OLFM4: variants seen among roughly 807,000 people sequenced by gnomAD.
OLFM4 encodes the protein olfactomedin 4.
Under a neutral mutation model 25.5 loss-of-function variants are expected in OLFM4, and 22 were observed. That is an observed-to-expected ratio of 0.86 (90% CI 0.62 to 1.23). OLFM4 has a LOEUF of 1.23. OLFM4 is among the 50% of genes most tolerant of loss of function. OLFM4 has a pLI of 0.00. For missense variants in OLFM4, 594 were observed against 619.4 expected, an observed-to-expected ratio of 0.96 and a Z score of 0.44; for synonymous variants, 255 against 237.7, an observed-to-expected ratio of 1.07 and a Z score of -0.67.
At chr13:53,033,438 G>A (rs1383885119) in intron 1 of OLFM4, among the ~76,000 whole-genome samples, 1 of 152,186 alleles carries the variant, frequency 6.6e-6, no homozygotes, top group African/African-American at 2.4e-5. Context: ...TATTTTCACT[G>A]TAGCCCACAT....
rs1954689797 is a variant in OLFM4 at position 53,042,028 on chromosome 13, T to C, written c.476T>C (p.Ile159Thr). 1.2e-6 allele frequency: 2 copies of C among 1,614,042 alleles called. No individual in the cohort carries two copies. Among genetic ancestry groups the C allele is most frequent in the Non-Finnish European group, 1.7e-6 (2 of 1,179,942 alleles). ...TACACTGAACTGGACTTCGAGCTGATCAAGGTAGAAGTGAAGGAGATGGAA... is the reference window on the plus strand; with the variant it reads ...TACACTGAACTGGACTTCGAGCTGACCAAGGTAGAAGTGAAGGAGATGGAA... ...ISYTELDFEL[I>T]KVEVKEMEKL... is the part of the protein sequence containing the mutation. Residue 159 changes from isoleucine (I) to threonine (T), a missense_variant, in exon 3 of 5, where the codon ATC (isoleucine) becomes ACC (threonine). By Grantham distance (89) the Ile-to-Thr change is moderately conservative. Transcript: ENST00000219022.
In OLFM4 at chr13:53,050,802, T is replaced by G. The variant is rs764455863; in HGVS notation, c.*31T>G. 2.6e-6 allele frequency: 4 copies of G among 1,527,582 alleles called. No individual in the cohort carries two copies. The highest frequency in any genetic ancestry group is 3.5e-6 in the Non-Finnish European group (4 of 1,141,822). 94.6% of individuals were successfully genotyped at this position (1,527,582 alleles called of 1,614,324 possible). On this transcript the variant is annotated 3_prime_UTR_variant, in exon 5 of 5. Coordinates refer to ENST00000219022, the MANE Select transcript of OLFM4 (RefSeq NM_006418.5). ...TTAGGAGTTAGGGTGAAAGAGAAAA[T>G]GTTTGTTGAAAAAATAGTCTTCTCC...
chr13:53,050,916 G>A lies in OLFM4; in HGVS notation c.*145G>A. Reference sequence around the variant, plus strand: ...ATAGTTCTACCACACTAGAGATCTAGGACATTTGTCTTGATTTGGTGAGTT... The same window carrying A: ...ATAGTTCTACCACACTAGAGATCTAAGACATTTGTCTTGATTTGGTGAGTT... On this transcript the variant is annotated 3_prime_UTR_variant, in exon 5 of 5. Coordinates refer to ENST00000219022, the MANE Select transcript of OLFM4 (RefSeq NM_006418.5). 3 of 674,740 alleles carry A rather than the reference G, an allele frequency of 4.4e-6. No individual in the cohort carries two copies. The highest frequency in any genetic ancestry group is 2.2e-5 in the South Asian group (1 of 45,012). 41.8% of individuals were successfully genotyped at this position (674,740 alleles called of 1,614,324 possible).
chr13:53,033,870 C>G (rs1954641948), intron 1 of OLFM4, among the ~76,000 whole-genome samples: 1 of 146,892 alleles, frequency 6.8e-6, no homozygotes, highest in Non-Finnish European at 1.5e-5. Flanking sequence ...ACCACCCTGG[C>G]TAACACGGTG....
chr13:53,040,931 T>A (rs1954683698), intron 2 of OLFM4, among the ~76,000 whole-genome samples: 1 of 152,120 alleles, frequency 6.6e-6, no homozygotes, highest in African/African-American at 2.4e-5. Flanking sequence ...TAAGATACCA[T>A]CTCATACCAG....
chr13:53,032,003 G>A (rs1954631653), intron 1 of OLFM4, among the ~76,000 whole-genome samples: 1 of 152,196 alleles, frequency 6.6e-6, no homozygotes, highest in Admixed American at 6.5e-5. Flanking sequence ...ATCTCTAATG[G>A]GAGACACTGA....
intron 4 of OLFM4, among the ~76,000 whole-genome samples, chr13:53,044,864 T>A (rs1304168099): frequency 6.6e-6 from 1 of 152,088 alleles, no homozygotes; most frequent in Non-Finnish European, 1.5e-5. Context: ...CTCCTGATAA[T>A]CCCTGAACGA....
In OLFM4 at chr13:53,050,700, CA is replaced by C; in HGVS notation, c.1463del (p.Gln488ArgfsTer12). 1.2e-6 allele frequency: 2 copies of C among 1,613,436 alleles called. No individual in the cohort carries two copies. The highest frequency in any genetic ancestry group is 1.7e-6 in the Non-Finnish European group (2 of 1,179,762). ...GAGCATTAACTATAACCCTTTTGAC[CA>C]GAAACTTTATGTCTATAACGATGGT... ...VQSINYNPFD[Q>X]KLYVYNDGYL... On this transcript the variant is annotated frameshift_variant, in exon 5 of 5. Coordinates refer to ENST00000219022, the MANE Select transcript of OLFM4 (RefSeq NM_006418.5). LOFTEE classifies it high-confidence loss of function.
At position 53,034,480 on chromosome 13, in the gene OLFM4, T is replaced by A; in HGVS notation, c.337T>A (p.Phe113Ile). The change falls in exon 2 of 5, where the codon TTT becomes ATT. Residue 113 changes from phenylalanine (F) to isoleucine (I), a missense_variant. Physicochemically the swap from Phe to Ile is conservative, Grantham distance 21. Coordinates refer to ENST00000219022, the MANE Select transcript of OLFM4 (RefSeq NM_006418.5). Reference protein sequence around the residue: ...EFTAHVLSQKFEKELSKVREY... With the variant: ...EFTAHVLSQKIEKELSKVREY... ...CACAGCTCATGTTCTTTCTCAGAAGTTTGAGAAAGAACTTTCCAAAGTAAG... is the reference window on the plus strand; with the variant it reads ...CACAGCTCATGTTCTTTCTCAGAAGATTGAGAAAGAACTTTCCAAAGTAAG... 1 of 1,612,088 alleles carries A rather than the reference T, an allele frequency of 6.2e-7. No homozygotes were observed. The highest frequency in any genetic ancestry group is 1.7e-5 in the Admixed American group (1 of 59,584).
At chr13:53,049,600 A>G (rs759476668) in intron 4 of OLFM4, among the ~76,000 whole-genome samples, 13 of 152,240 alleles carry the variant, frequency 8.5e-5, no homozygotes, top group Non-Finnish European at 1.5e-4. Context: ...ACAAAATAAG[A>G]TAATATTTGC....
At chr13:53,043,701 T>C (rs2138239013) in intron 4 of OLFM4, among the ~76,000 whole-genome samples, 1 of 148,866 alleles carries the variant, frequency 6.7e-6, no homozygotes, top group Admixed American at 6.6e-5. Context: ...GCTGCCATCT[T>C]CTCTCTCTCC....
At chr13:53,049,817 A>T in intron 4 of OLFM4, 152 bp from the exon 5 acceptor site, 1 of 703,456 alleles carries the variant, frequency 1.4e-6, no homozygotes. Context: ...AACTAAGAGG[A>T]GGTTTGGCTC....
intron 4 of OLFM4, among the ~76,000 whole-genome samples, chr13:53,048,393 T>C (rs539635771): frequency 6.6e-6 from 1 of 152,164 alleles, no homozygotes; most frequent in Non-Finnish European, 1.5e-5. Context: ...TGTTGTATGG[T>C]TGGCTGGCTT....
At chr13:53,048,545 G>T (rs1018073703) in intron 4 of OLFM4, among the ~76,000 whole-genome samples, 4 of 152,180 alleles carry the variant, frequency 2.6e-5, no homozygotes, top group African/African-American at 7.2e-5. Flanking sequence ...TGAGGAGGAT[G>T]GGGAGGGAAA....
At chr13:53,045,085 C>A (rs1954709076) in intron 4 of OLFM4, among the ~76,000 whole-genome samples, 1 of 152,114 alleles carries the variant, frequency 6.6e-6, no homozygotes, top group African/African-American at 2.4e-5. Context: ...GCAGAAGCTG[C>A]AAGGCAAGGG....
At chr13:53,030,074 A>G (rs1329371959) in intron 1 of OLFM4, among the ~76,000 whole-genome samples, 1 of 152,162 alleles carries the variant, frequency 6.6e-6, no homozygotes, top group African/African-American at 2.4e-5. Context: ...CAGGTCAGGT[A>G]GCTGCTTACA....
chr13:53,028,883 G>A lies in OLFM4; in HGVS notation c.47G>A (p.Gly16Asp). Residue 16 changes from glycine (G) to aspartate (D), a missense_variant, in exon 1 of 5, where the codon GGC becomes GAC. Physicochemically the swap from Gly to Asp is moderately conservative, Grantham distance 94 (BLOSUM62 -1). Transcript: ENST00000219022. ...SFLLALLFFL[G>D]QAAGDLGDVG... ...CTCCTAGCCCTTCTGTTCTTCCTTG[G>A]CCAAGCTGCAGGGGATTTGGGGGAT... The A allele has an allele frequency of 6.2e-7, 1 of 1,614,198 alleles. No individual in the cohort carries two copies. Among genetic ancestry groups the A allele is most frequent in the Non-Finnish European group, 8.5e-7 (1 of 1,180,032 alleles).
At chr13:53,040,018 A>G (rs1049684847) in intron 2 of OLFM4, among the ~76,000 whole-genome samples, 2 of 152,218 alleles carry the variant, frequency 1.3e-5, no homozygotes, top group African/African-American at 2.4e-5. Flanking sequence ...CTGGCTCTAA[A>G]TTCATCCAGG....
chr13:53,038,443 G>A (rs535060620), intron 2 of OLFM4, among the ~76,000 whole-genome samples: 8 of 152,268 alleles, frequency 5.3e-5, no homozygotes, highest in African/African-American at 1.4e-4. Flanking sequence ...ATATGATATA[G>A]CCTATTGCCA....
Sources: allele counts gnomAD v4.1 joint callset (sites outside exome capture counted in the v4.1 genomes callset), GRCh38; gene constraint gnomAD v4.1.1; transcripts MANE v1.5; gene names NCBI Gene and HGNC (gene_info 2026-07-23, HGNC 2026-07-21).